Variants in SGCD observed in about 807,000 individuals in gnomAD.
The protein encoded by SGCD is delta-sarcoglycan.
In SGCD, 18 loss-of-function variants were observed where a neutral mutation model predicts 36.6. The ratio of observed to expected loss-of-function variants is 0.49; its 90% CI spans 0.34 to 0.73. The LOEUF is 0.73. Among genes scored for constraint, SGCD ranks in the 30% least tolerant of loss-of-function variants. The pLI is 0.01. For missense variants in SGCD, 387 were observed against 346.7 expected (o/e 1.12, Z -0.92); for synonymous variants, 133 against 130.6 (o/e 1.02, Z -0.12).
chr5:155,893,817 C>T (rs1276266443), intron 1 of SGCD, among the ~76,000 whole-genome samples: 5 of 152,238 alleles, frequency 3.3e-5, no homozygotes, highest in Non-Finnish European at 7.3e-5. Context: ...TGTACTTACA[C>T]AAACCTAGAT....
the SGCD span, among the ~76,000 whole-genome samples, chr5:155,747,777 C>T: frequency 6.6e-6 from 1 of 152,108 alleles, no homozygotes; most frequent in African/African-American, 2.4e-5. Flanking sequence ...TGATGCTCCT[C>T]CCCCCTTATC....
chr5:156,743,413 T>TGCCTC (rs1282171869), intron 7 of SGCD, among the ~76,000 whole-genome samples: 1 of 152,176 alleles, frequency 6.6e-6, no homozygotes, highest in African/African-American at 2.4e-5. Flanking sequence ...CGCCCAGCCT[T>TGCCTC]GCCTCTTATT....
intron 1 of SGCD, among the ~76,000 whole-genome samples, chr5:156,057,929 C>T (rs1398142321): frequency 1.4e-5 from 2 of 146,240 alleles, no homozygotes; most frequent in African/African-American, 4.9e-5. Context: ...TCTTGTCTTA[C>T]ATATACAGGG....
At chr5:156,621,001 A>G (rs568180705) in intron 6 of SGCD, among the ~76,000 whole-genome samples, 2 of 152,334 alleles carry the variant, frequency 1.3e-5, no homozygotes, top group South Asian at 2.1e-4. Flanking sequence ...TTAAAAATGA[A>G]AGGAAGTAGC....
intron 3 of SGCD, among the ~76,000 whole-genome samples, chr5:156,319,354 T>C (rs957974552): frequency 9.8e-5 from 15 of 152,350 alleles, no homozygotes; most frequent in African/African-American, 3.6e-4. Context: ...ACTTGATCTG[T>C]TAAGTGCAGG....
At chr5:156,134,235 G>T (rs1315516061) in intron 3 of SGCD, among the ~76,000 whole-genome samples, 1 of 151,902 alleles carries the variant, frequency 6.6e-6, no homozygotes, top group African/African-American at 2.4e-5. Flanking sequence ...CTCATATTTA[G>T]CCTGGATTGA....
intron 1 of SGCD, among the ~76,000 whole-genome samples, chr5:156,046,901 T>A (rs1759779754): frequency 6.6e-6 from 1 of 152,158 alleles, no homozygotes; most frequent in Non-Finnish European, 1.5e-5. Flanking sequence ...CTTGGGCTCT[T>A]GCATCAGTTA....
At chr5:156,444,232 C>T (rs902364231) in intron 3 of SGCD, among the ~76,000 whole-genome samples, 2 of 151,068 alleles carry the variant, frequency 1.3e-5, no homozygotes, top group African/African-American at 4.9e-5. Context: ...CTCTCTCTCT[C>T]TCTGTGTTTC....
intron 3 of SGCD, among the ~76,000 whole-genome samples, chr5:156,129,773 G>A (rs886475381): frequency 1.3e-5 from 2 of 152,168 alleles, no homozygotes; most frequent in Non-Finnish European, 2.9e-5. Flanking sequence ...GGTTTGCTTA[G>A]GATGATAGTC....
the SGCD span, among the ~76,000 whole-genome samples, chr5:155,849,155 A>T: frequency 6.6e-6 from 1 of 152,150 alleles, no homozygotes; most frequent in East Asian, 1.9e-4. Flanking sequence ...ACATTTAATT[A>T]AACTAATGTC....
At chr5:156,494,037 G>A (rs1382457855) in intron 3 of SGCD, among the ~76,000 whole-genome samples, 1 of 152,080 alleles carries the variant, frequency 6.6e-6, no homozygotes, top group Non-Finnish European at 1.5e-5. Context: ...GCATGGCGGG[G>A]TGTCACTGCC....
chr5:156,727,398 A>C (rs902471337), intron 7 of SGCD, among the ~76,000 whole-genome samples: 1 of 152,352 alleles, frequency 6.6e-6, no homozygotes, highest in South Asian at 2.1e-4. Context: ...CAGAAGCCCA[A>C]CTAAAATTTG....
intron 3 of SGCD, among the ~76,000 whole-genome samples, chr5:156,163,098 C>G (rs1405127900): frequency 1.3e-5 from 2 of 151,548 alleles, no homozygotes; most frequent in African/African-American, 4.9e-5. Flanking sequence ...ATTCAATAGC[C>G]AAACATTTCA....
At chr5:155,728,807 C>A in the SGCD span, among the ~76,000 whole-genome samples, 2 of 152,194 alleles carry the variant, frequency 1.3e-5, no homozygotes, top group Non-Finnish European at 2.9e-5. Context: ...GATGCGCCCC[C>A]ACCCGGGCGG....
At chr5:156,283,531 G>A (rs1766513255) in intron 3 of SGCD, among the ~76,000 whole-genome samples, 1 of 152,120 alleles carries the variant, frequency 6.6e-6, no homozygotes, top group Non-Finnish European at 1.5e-5. Context: ...ATCCCCTACT[G>A]TTGTTATCTC....
chr5:156,163,229 G>A (rs1320766565), intron 3 of SGCD, among the ~76,000 whole-genome samples: 2 of 151,608 alleles, frequency 1.3e-5, no homozygotes, highest in African/African-American at 4.9e-5. Flanking sequence ...TAAGGATTGA[G>A]GAAGATACTA....
intron 3 of SGCD, among the ~76,000 whole-genome samples, chr5:156,463,738 T>G (rs1321049093): frequency 6.6e-6 from 1 of 152,110 alleles, no homozygotes; most frequent in African/African-American, 2.4e-5. Flanking sequence ...TGCGTGCTAG[T>G]AATCCCAACA....
chr5:156,347,866 G>A (rs983991932), intron 3 of SGCD, among the ~76,000 whole-genome samples: 18 of 151,984 alleles, frequency 1.2e-4, no homozygotes, highest in African/African-American at 3.9e-4. Flanking sequence ...ATATGAAATC[G>A]GCTCTTTCCT....
At chr5:155,934,400 A>G (rs1757157979) in intron 1 of SGCD, among the ~76,000 whole-genome samples, 1 of 152,212 alleles carries the variant, frequency 6.6e-6, no homozygotes, top group Non-Finnish European at 1.5e-5. Flanking sequence ...GCACTGAACT[A>G]TGCAGGACAA....
Sources: allele counts gnomAD v4.1 joint callset (sites outside exome capture counted in the v4.1 genomes callset), GRCh38; gene constraint gnomAD v4.1.1; transcripts MANE v1.5; gene names NCBI Gene and HGNC (gene_info 2026-07-23, HGNC 2026-07-21).